The following CNTNAP5 variants were observed in gnomAD, a reference collection of about 807,000 sequenced individuals.
CNTNAP5 encodes contactin associated protein family member 5, also known as contactin-associated protein-like 5.
Under a neutral mutation model 150.2 loss-of-function variants are expected in CNTNAP5, and 72 were observed. The ratio of observed to expected loss-of-function variants is 0.48; its 90% CI spans 0.40 to 0.58. The LOEUF is 0.58. CNTNAP5 is among the 20% of genes least tolerant of loss of function. The probability of loss-of-function intolerance (pLI) is 0.00; values close to 1 mark genes in which losing one functional copy is unlikely to be tolerated. For missense variants in CNTNAP5, 1,636 were observed against 1,626.2 expected (o/e 1.01, Z -0.10); for synonymous variants, 672 against 619.8 (o/e 1.08, Z -1.25).
intron 1 of CNTNAP5, among the ~76,000 whole-genome samples, chr2:124,084,053 T>TTG (rs80171452): frequency 0.98 from 149,165 of 152,148 alleles, 73,202 homozygotes; most frequent in South Asian, 1. Context: ...GATGTTTGGC[T>TTG]TTTTATCAGT....
At chr2:124,512,296 T>A (rs1281665802) in intron 8 of CNTNAP5, among the ~76,000 whole-genome samples, 1 of 151,928 alleles carries the variant, frequency 6.6e-6, no homozygotes, top group Non-Finnish European at 1.5e-5. Context: ...GGCATCAAAC[T>A]CAGCCTGGGA....
Position 124,594,834 on chromosome 2 carries a change from C to T in CNTNAP5, c.1757-14967C>T, listed in dbSNP as rs1033016940. Among the ~76,000 whole-genome samples the T allele has an allele frequency of 2.3e-4, 24 of 104,694 alleles. 2 individuals are homozygous for T. The highest frequency in any genetic ancestry group is 7.5e-4 in the African/African-American group (22 of 29,230). The allele number at this position is 104,694 out of a possible 152,430, so 68.7% of individuals were successfully genotyped here. On this transcript the variant is annotated intron_variant, in intron 11 of 23. Transcript: ENST00000682447. ...TCCTTGAGCAGTGGTTTGTAATTCT[C>T]CTTGAAGAGGTCCTTCACATCCCTT...
Position 124,803,075 on chromosome 2 carries a change from AC to A in CNTNAP5, c.3217+4756del, listed in dbSNP as rs570379816. Among the ~76,000 whole-genome samples the A allele has an allele frequency of 2.9e-3, 434 of 150,952 alleles. 3 individuals are homozygous for A. The highest frequency in any genetic ancestry group is 4.9e-3 in the Non-Finnish European group (331 of 67,882). On this transcript the variant is annotated intron_variant, in intron 19 of 23. Coordinates refer to ENST00000682447, the MANE Select transcript of CNTNAP5 (RefSeq NM_001367498.1). The stretch of plus-strand genomic sequence containing the variant: ...GCTTGCAGTGAGCCGAGATCACGCC[AC>A]TGCACTCCAGGCTGGGCGACAGAGC...
intron 1 of CNTNAP5, among the ~76,000 whole-genome samples, chr2:124,100,976 A>C (rs1215571695): frequency 6.6e-6 from 1 of 152,150 alleles, no homozygotes; most frequent in Non-Finnish European, 1.5e-5. Flanking sequence ...GAATCGATGC[A>C]CTTGAAAAAG....
chr2:124,673,151 G>A (rs992763147), intron 13 of CNTNAP5, among the ~76,000 whole-genome samples: 1 of 151,968 alleles, frequency 6.6e-6, no homozygotes, highest in African/African-American at 2.4e-5. Flanking sequence ...ACTTTAAATG[G>A]TAGCTATTAT....
At chr2:124,826,591 G>T (rs1041595128) in intron 19 of CNTNAP5, among the ~76,000 whole-genome samples, 1 of 152,102 alleles carries the variant, frequency 6.6e-6, no homozygotes. Context: ...TGGACCAACA[G>T]AAGGAGCTTC....
chr2:124,258,607 G>A (rs1175758850), intron 3 of CNTNAP5, among the ~76,000 whole-genome samples: 2 of 152,126 alleles, frequency 1.3e-5, no homozygotes, highest in Non-Finnish European at 2.9e-5. Flanking sequence ...CCAGATGTAC[G>A]CTATGGTAAG....
At chr2:124,418,763 A>G (rs1036695494) in intron 4 of CNTNAP5, among the ~76,000 whole-genome samples, 1 of 152,214 alleles carries the variant, frequency 6.6e-6, no homozygotes, top group Non-Finnish European at 1.5e-5. Flanking sequence ...TATGTGTCCT[A>G]TCCTGGGATG....
At chr2:124,173,289 G>A (rs774267796) in intron 1 of CNTNAP5, among the ~76,000 whole-genome samples, 4 of 152,178 alleles carry the variant, frequency 2.6e-5, no homozygotes, top group Non-Finnish European at 5.9e-5. Flanking sequence ...CAGTACTCAA[G>A]TGAAAGGAAG....
intron 1 of CNTNAP5, among the ~76,000 whole-genome samples, chr2:124,145,836 A>AAAAAAAAAAAAAAAAATAAAAAAAG (rs1684235848): frequency 1.3e-5 from 1 of 75,804 alleles, no homozygotes; most frequent in Non-Finnish European, 2.5e-5. Flanking sequence ...AAAGAAGAAA[A>AAAAAAAAAAAAAAAAATAAAAAAAG]AAAAAAAAAA....
At chr2:124,239,273 A>G (rs757383102) in intron 2 of CNTNAP5, among the ~76,000 whole-genome samples, 68 of 152,086 alleles carry the variant, frequency 4.5e-4, no homozygotes, top group Non-Finnish European at 7.4e-5. Flanking sequence ...ATTTCTTGTC[A>G]ATTTATTTCC....
intron 6 of CNTNAP5, among the ~76,000 whole-genome samples, chr2:124,459,758 T>TG (rs1693204308): frequency 8.8e-6 from 1 of 113,454 alleles, no homozygotes; most frequent in Non-Finnish European, 1.7e-5. Context: ...AATTCCTCTG[T>TG]AAAAAAAAAA....
rs1418875406 is a variant in CNTNAP5 at position 124,655,638 on chromosome 2, C to G, written c.2077+7680C>G. Among the ~76,000 whole-genome samples the G allele has an allele frequency of 4.0e-5, 6 of 151,782 alleles. No individual in the cohort carries two copies. The East Asian group carries it at 1.2e-3, about 30-fold the overall frequency. On this transcript the variant is annotated intron_variant, in intron 13 of 23. Coordinates refer to ENST00000682447, the MANE Select transcript of CNTNAP5 (RefSeq NM_001367498.1). ...GTGGACTGGGTGCCATGGCTTACACCTTTAATCCCAGAGTTTTGAGACGCC... is the reference window on the plus strand; with the variant it reads ...GTGGACTGGGTGCCATGGCTTACACGTTTAATCCCAGAGTTTTGAGACGCC...
chr2:124,269,666 A>T (rs1057021007), intron 3 of CNTNAP5, among the ~76,000 whole-genome samples: 2 of 152,192 alleles, frequency 1.3e-5, no homozygotes, highest in Non-Finnish European at 2.9e-5. Flanking sequence ...AACAAAAGGC[A>T]GCCCTGACTA....
chr2:124,721,511 A>ACATAAATAAATG (rs1418148313), intron 13 of CNTNAP5, among the ~76,000 whole-genome samples: 1 of 141,832 alleles, frequency 7.1e-6, no homozygotes, highest in East Asian at 1.9e-4. Context: ...ATAAATAAAT[A>ACATAAATAAATG]CATAAATAAA....
chr2:124,665,172 T>C (rs577865462), intron 13 of CNTNAP5, among the ~76,000 whole-genome samples: 2 of 152,362 alleles, frequency 1.3e-5, no homozygotes, highest in East Asian at 1.9e-4. Flanking sequence ...AGGGTATATT[T>C]ACAATATTGT....
intron 3 of CNTNAP5, among the ~76,000 whole-genome samples, chr2:124,356,810 G>C (rs1690023140): frequency 6.6e-6 from 1 of 151,202 alleles, no homozygotes; most frequent in Admixed American, 6.6e-5. Context: ...ATAGTCCTTT[G>C]GGTATATACC....
chr2:124,790,981 A>C, intron 18 of CNTNAP5, among the ~76,000 whole-genome samples: 1 of 152,268 alleles, frequency 6.6e-6, no homozygotes, highest in Admixed American at 6.5e-5. Context: ...AAGTTTGTTC[A>C]GTAAATAATG....
intron 21 of CNTNAP5, among the ~76,000 whole-genome samples, chr2:124,902,438 T>G (rs1678433107): frequency 6.6e-6 from 1 of 152,130 alleles, no homozygotes; most frequent in African/African-American, 2.4e-5. Flanking sequence ...ACCTCTTTAT[T>G]TTTTTTCTCT....
Sources: gnomAD v4.1 joint callset for allele counts (sites outside exome capture counted in the v4.1 genomes callset) on GRCh38, gnomAD v4.1.1 for gene constraint, MANE v1.5 for transcripts, NCBI Gene and HGNC (gene_info 2026-07-23, HGNC 2026-07-21) for gene names.